The following DNAJC3 variants were observed in gnomAD, a reference collection of about 807,000 sequenced individuals.
The protein encoded by DNAJC3 is dnaJ homolog subfamily C member 3.
In DNAJC3, 38 loss-of-function variants were observed where a neutral mutation model predicts 68.6. The ratio of observed to expected loss-of-function variants is 0.55; its 90% CI spans 0.43 to 0.73. The LOEUF is 0.73. Ranked by LOEUF, DNAJC3 falls within the 30% of genes least tolerant of loss-of-function variation. DNAJC3 has a pLI of 0.00. For missense variants in DNAJC3, 526 were observed against 591.9 expected (o/e 0.89, Z 1.16); for synonymous variants, 203 against 204.0 (o/e 1.00, Z 0.04).
At chr13:95,761,795 C>T (rs1237642322) in intron 7 of DNAJC3, among the ~76,000 whole-genome samples, 2 of 150,476 alleles carry the variant, frequency 1.3e-5, no homozygotes, top group East Asian at 1.9e-4. Context: ...GAGACAATCT[C>T]ACTATGTTGC....
At chr13:95,739,949 A>C (rs1593994235) in intron 4 of DNAJC3, among the ~76,000 whole-genome samples, 1 of 151,908 alleles carries the variant, frequency 6.6e-6, no homozygotes, top group South Asian at 2.1e-4. Flanking sequence ...GGTTTTATCT[A>C]CTTTTGGTCT....
At chr13:95,762,243 CAA>C (rs1320546631) in intron 7 of DNAJC3, among the ~76,000 whole-genome samples, 1 of 152,080 alleles carries the variant, frequency 6.6e-6, no homozygotes, top group African/African-American at 2.4e-5. Flanking sequence ...GCCTGGGCAA[CAA>C]GAGCGAAACT....
chr13:95,721,006 C>T (rs1198592705), intron 2 of DNAJC3, among the ~76,000 whole-genome samples: 1 of 152,092 alleles, frequency 6.6e-6, no homozygotes, highest in Non-Finnish European at 1.5e-5. Context: ...ATTTCCAGAA[C>T]TTTTTCATTA....
intron 1 of DNAJC3, among the ~76,000 whole-genome samples, chr13:95,679,492 A>T (rs1393197575): frequency 6.6e-6 from 1 of 152,116 alleles, no homozygotes; most frequent in Non-Finnish European, 1.5e-5. Flanking sequence ...GGTGATAGGG[A>T]TATAAAGGTA....
At chr13:95,722,611 A>AT (rs1225356751) in intron 2 of DNAJC3, among the ~76,000 whole-genome samples, 6 of 126,876 alleles carry the variant, frequency 4.7e-5, no homozygotes, top group East Asian at 4.2e-4. Context: ...TCTACAAAAA[A>AT]TTAAAAAAAA....
At chr13:95,786,174 A>T in intron 10 of DNAJC3, 103 bp downstream of exon 10, 1 of 1,233,068 alleles carries the variant, frequency 8.1e-7, no homozygotes. Flanking sequence ...TTACTTATGT[A>T]ATTTCAGTCA....
At chr13:95,740,555 G>T (rs1232535854) in intron 4 of DNAJC3, among the ~76,000 whole-genome samples, 13 of 152,234 alleles carry the variant, frequency 8.5e-5, no homozygotes, top group Non-Finnish European at 1.5e-4. Context: ...CAGTATTCGG[G>T]TGGGAGTGAC....
At chr13:95,690,470 C>T (rs2139603748) in intron 1 of DNAJC3, among the ~76,000 whole-genome samples, 1 of 151,960 alleles carries the variant, frequency 6.6e-6, no homozygotes, top group African/African-American at 2.4e-5. Flanking sequence ...CCGCCATTGT[C>T]ATCATGGCCC....
At position 95,794,364 on chromosome 13, in the gene DNAJC3, T is replaced by A. The variant is rs1883896634; in HGVS notation, c.*3334T>A. On this transcript the variant is annotated 3_prime_UTR_variant, in exon 12 of 12. Transcript: ENST00000602402. ...ACATAAAATGGCTCCCTGGTGAGGT[T>A]ACAGACACGGCCCTGGTGATGGGCG... The A allele has an allele frequency of 6.6e-6, 1 of 152,214 alleles. No homozygotes were observed. Among genetic ancestry groups the A allele is most frequent in the Non-Finnish European group, 1.5e-5 (1 of 68,034 alleles). The allele number at this position is 152,214 out of a possible 1,614,324, so 9.4% of individuals were successfully genotyped here. A position where few individuals can be genotyped will look rare whatever the true frequency, so the allele number is the denominator to read the frequency against.
At chr13:95,704,860 T>TTTTTTTTTTTTTTTTTTTTTTTTTTTTTG in intron 1 of DNAJC3, among the ~76,000 whole-genome samples, 1 of 141,376 alleles carries the variant, frequency 7.1e-6, no homozygotes, top group African/African-American at 3.0e-5. Flanking sequence ...TGTTTTTTTT[T>TTTTTTTTTTTTTTTTTTTTTTTTTTTTTG]TTTTTTTTTG....
chr13:95,742,882 C>G (rs563424925), intron 4 of DNAJC3: 29 of 507,468 alleles, frequency 5.7e-5, no homozygotes, highest in Admixed American at 4.9e-4. Flanking sequence ...AAACTTTTCT[C>G]ATATCTTCTA....
In DNAJC3 at chr13:95,792,698, G is replaced by A. The variant is rs1484508602; in HGVS notation, c.*1668G>A. 6.6e-6 allele frequency: 1 copy of A among 152,188 alleles called. No individual in the cohort carries two copies. Among genetic ancestry groups the A allele is most frequent in the Non-Finnish European group, 1.5e-5 (1 of 68,034 alleles). The allele number at this position is 152,188 out of a possible 1,614,324, so 9.4% of individuals were successfully genotyped here. ...ACTTGACAACGCATTTGGAAAACTA[G>A]TGAACACCTTACAGCTTTCATTTTG... is the stretch of plus-strand genomic sequence containing the variant. On this transcript the variant is annotated 3_prime_UTR_variant, in exon 12 of 12. Coordinates refer to ENST00000602402, the MANE Select transcript of DNAJC3 (RefSeq NM_006260.5).
chr13:95,718,131 T>C (rs1881210411), intron 2 of DNAJC3, among the ~76,000 whole-genome samples: 1 of 152,248 alleles, frequency 6.6e-6, no homozygotes, highest in Non-Finnish European at 1.5e-5. Flanking sequence ...TAAAATGAAA[T>C]ATAGTATTTC....
At chr13:95,744,534 G>C (rs545047736) in intron 4 of DNAJC3, among the ~76,000 whole-genome samples, 1 of 152,152 alleles carries the variant, frequency 6.6e-6, no homozygotes, top group East Asian at 1.9e-4. Flanking sequence ...GTAAATTTAG[G>C]GTACCTGGAA....
At chr13:95,729,818 T>C (rs1275676673) in intron 4 of DNAJC3, among the ~76,000 whole-genome samples, 1 of 152,162 alleles carries the variant, frequency 6.6e-6, no homozygotes, top group Non-Finnish European at 1.5e-5. Context: ...GAAATGTCTG[T>C]TTATGTCCTT....
At position 95,792,604 on chromosome 13, in the gene DNAJC3, C is replaced by A. The variant is rs1004027922; in HGVS notation, c.*1574C>A. On this transcript the variant is annotated 3_prime_UTR_variant, in exon 12 of 12. Transcript: ENST00000602402. ...ATTTTTAACTGAGAGACAAAAATCA[C>A]ATAGTTGAATTGAGCAGAACACTTA... 1 of 152,212 alleles carries A rather than the reference C, an allele frequency of 6.6e-6. No homozygotes were observed. Among genetic ancestry groups the A allele is most frequent in the East Asian group, 1.9e-4 (1 of 5,194 alleles). The allele number at this position is 152,212 out of a possible 1,614,324, so 9.4% of individuals were successfully genotyped here.
chr13:95,769,046 C>T (rs1020615601), intron 9 of DNAJC3, among the ~76,000 whole-genome samples: 4 of 151,504 alleles, frequency 2.6e-5, no homozygotes, highest in East Asian at 3.9e-4. Flanking sequence ...ATATCTATAT[C>T]TATATATCCC....
intron 11 of DNAJC3, 91 bp downstream of exon 11, chr13:95,787,246 A>G (rs887447274): frequency 2.0e-6 from 3 of 1,498,542 alleles, no homozygotes; most frequent in South Asian, 1.4e-5. Context: ...GTGGGGCTGT[A>G]TAGGCAGTGA....
chr13:95,757,186 A>G (rs2139672499), intron 4 of DNAJC3, among the ~76,000 whole-genome samples: 1 of 152,188 alleles, frequency 6.6e-6, no homozygotes, highest in Non-Finnish European at 1.5e-5. Context: ...TACAACCTCT[A>G]AAAAAGCTGG....
Sources: allele counts gnomAD v4.1 joint callset (sites outside exome capture counted in the v4.1 genomes callset), GRCh38; gene constraint gnomAD v4.1.1; transcripts MANE v1.5; gene names NCBI Gene and HGNC (gene_info 2026-07-23, HGNC 2026-07-21).